ASIC2: variants seen among roughly 807,000 people sequenced by gnomAD.
The protein encoded by ASIC2 is acid sensing ion channel subunit 2.
In ASIC2, 25 loss-of-function variants were observed where a neutral mutation model predicts 57.3. That is an observed-to-expected ratio of 0.44 (90% CI 0.32 to 0.61). ASIC2 has a LOEUF of 0.61. Among genes scored for constraint, ASIC2 ranks in the 20% least tolerant of loss-of-function variants. ASIC2 has a pLI of 0.06. For synonymous variants in ASIC2, 319 were observed against 307.5 expected (o/e 1.04, Z -0.39); for missense variants, 641 against 738.1 (o/e 0.87, Z 1.52).
chr17:33,409,559 C>G (rs1405848913), intron 1 of ASIC2, among the ~76,000 whole-genome samples: 1 of 152,238 alleles, frequency 6.6e-6, no homozygotes, highest in African/African-American at 2.4e-5. Flanking sequence ...GGTCACTGTA[C>G]TCCTATTCTC....
intron 1 of ASIC2, among the ~76,000 whole-genome samples, chr17:33,433,796 G>A (rs918086910): frequency 2.0e-5 from 3 of 151,848 alleles, no homozygotes; most frequent in African/African-American, 4.8e-5. Context: ...CCTAGGTGAC[G>A]AAATAATCTG....
At chr17:33,150,547 T>A (rs987890994) in intron 1 of ASIC2, among the ~76,000 whole-genome samples, 11 of 152,258 alleles carry the variant, frequency 7.2e-5, no homozygotes, top group Non-Finnish European at 1.3e-4. Context: ...AGTTCTTTTT[T>A]AAATCATAGT....
At chr17:33,014,325 G>A (rs2091794604) in intron 9 of ASIC2, among the ~76,000 whole-genome samples, 1 of 152,056 alleles carries the variant, frequency 6.6e-6, no homozygotes, top group South Asian at 2.1e-4. Context: ...CCTCTTAGAG[G>A]TGCCCCTCAT....
rs372537583 is a variant in ASIC2 at position 33,178,310 on chromosome 17, CA to C, written c.709-66244del. ...AAAATTTTAAAATATGACTGTCATA[CA>C]AAAAAAAATCCCTGGTTTAGATAGA... On this transcript the variant is annotated intron_variant, in intron 1 of 9. Transcript: ENST00000225823. Among the ~76,000 whole-genome samples the C allele has an allele frequency of 3.0e-4, 45 of 150,510 alleles. No homozygotes were observed. The East Asian group carries it at 7.4e-3, about 25-fold the overall frequency.
chr17:33,502,282 T>C (rs1040571196), intron 1 of ASIC2, among the ~76,000 whole-genome samples: 1 of 152,150 alleles, frequency 6.6e-6, no homozygotes, highest in Non-Finnish European at 1.5e-5. Flanking sequence ...GCATGCCCTC[T>C]AGGAAGGCAG....
At chr17:34,111,601 TA>T (rs2142111407) in intron 1 of ASIC2, among the ~76,000 whole-genome samples, 1 of 152,308 alleles carries the variant, frequency 6.6e-6, no homozygotes, top group East Asian at 1.9e-4. Context: ...CTTTGACACT[TA>T]TTGTTTTTGA....
At chr17:33,244,538 C>T (rs1048329964) in intron 1 of ASIC2, among the ~76,000 whole-genome samples, 9 of 152,180 alleles carry the variant, frequency 5.9e-5, no homozygotes, top group Non-Finnish European at 1.0e-4. Context: ...AAAATGTTTA[C>T]GCAGACACAA....
intron 1 of ASIC2, among the ~76,000 whole-genome samples, chr17:33,185,401 T>G (rs1025123330): frequency 6.6e-6 from 1 of 152,120 alleles, no homozygotes; most frequent in African/African-American, 2.4e-5. Flanking sequence ...GGTAAAGAAT[T>G]CTTAGCTCAC....
At chr17:33,256,258 AC>A (rs1006014931) in intron 1 of ASIC2, among the ~76,000 whole-genome samples, 1 of 152,222 alleles carries the variant, frequency 6.6e-6, no homozygotes, top group Non-Finnish European at 1.5e-5. Flanking sequence ...AATGAAAAAA[AC>A]AATATGGATT....
At chr17:34,048,203 C>T (rs1908411187) in intron 1 of ASIC2, among the ~76,000 whole-genome samples, 2 of 152,232 alleles carry the variant, frequency 1.3e-5, no homozygotes, top group South Asian at 2.1e-4. Flanking sequence ...GATACATCTT[C>T]TTCATTCTCT....
chr17:34,101,529 A>C (rs1334917477), intron 1 of ASIC2, among the ~76,000 whole-genome samples: 1 of 152,196 alleles, frequency 6.6e-6, no homozygotes, highest in East Asian at 1.9e-4. Context: ...TGCCAGCCTA[A>C]GAATGTACAG....
chr17:33,767,631 T>C (rs1305787388), intron 1 of ASIC2, among the ~76,000 whole-genome samples: 1 of 152,354 alleles, frequency 6.6e-6, no homozygotes, highest in East Asian at 1.9e-4. Context: ...AAATCTCTAC[T>C]TAATTTATAT....
chr17:33,913,029 T>C (rs1048610252), intron 1 of ASIC2, among the ~76,000 whole-genome samples: 4 of 152,000 alleles, frequency 2.6e-5, no homozygotes, highest in Non-Finnish European at 5.9e-5. Flanking sequence ...AAAAATTAAA[T>C]TCTAATTGCT....
At chr17:34,022,059 G>A (rs1361049020) in intron 1 of ASIC2, among the ~76,000 whole-genome samples, 1 of 152,020 alleles carries the variant, frequency 6.6e-6, no homozygotes, top group African/African-American at 2.4e-5. Flanking sequence ...GGATGGTCTC[G>A]ATCTCCTGAC....
intron 3 of ASIC2, among the ~76,000 whole-genome samples, chr17:33,085,365 G>A (rs752723122): frequency 3.3e-5 from 5 of 152,092 alleles, no homozygotes; most frequent in Non-Finnish European, 5.9e-5. Flanking sequence ...ATTGTAAAAC[G>A]AATCCTTATT....
chr17:33,448,012 A>T (rs1437679166), intron 1 of ASIC2, among the ~76,000 whole-genome samples: 1 of 150,872 alleles, frequency 6.6e-6, no homozygotes, highest in South Asian at 2.1e-4. Context: ...GTTTTATATT[A>T]TCACATGTAC....
chr17:33,772,858 A>G (rs1489795242), intron 1 of ASIC2, among the ~76,000 whole-genome samples: 3 of 152,180 alleles, frequency 2.0e-5, no homozygotes, highest in Admixed American at 6.5e-5. Flanking sequence ...TTGAAATTAT[A>G]TAACATGTTC....
intron 1 of ASIC2, among the ~76,000 whole-genome samples, chr17:33,753,379 G>C (rs148928132): frequency 6.6e-6 from 1 of 152,206 alleles, no homozygotes; most frequent in Non-Finnish European, 1.5e-5. Context: ...GTATGATACT[G>C]TAGTAGTGGA....
chr17:33,485,258 G>A (rs1271498251), intron 1 of ASIC2, among the ~76,000 whole-genome samples: 1 of 152,264 alleles, frequency 6.6e-6, no homozygotes, highest in Non-Finnish European at 1.5e-5. Flanking sequence ...CCTAGGGAAT[G>A]TAGCAGCCAT....
Sources: allele counts gnomAD v4.1 joint callset (sites outside exome capture counted in the v4.1 genomes callset), GRCh38; gene constraint gnomAD v4.1.1; transcripts MANE v1.5; gene names NCBI Gene and HGNC (gene_info 2026-07-23, HGNC 2026-07-21).